Variants in PRKG2 observed in about 807,000 individuals in gnomAD.
PRKG2 encodes the protein protein kinase cGMP-dependent 2, also known as cGMP-dependent protein kinase 2.
PRKG2 carries 33 observed loss-of-function variants against 97.2 expected under a neutral mutation model. The observed-to-expected ratio is 0.34, with a 90% CI of 0.26 to 0.45. PRKG2 has a LOEUF of 0.45. Among genes scored for constraint, PRKG2 ranks in the 20% least tolerant of loss-of-function variants. The probability of loss-of-function intolerance (pLI) is 1.00; values close to 1 mark genes in which losing one functional copy is unlikely to be tolerated. For synonymous variants in PRKG2, 330 were observed against 321.8 expected (o/e 1.03, Z -0.27); for missense variants, 638 against 900.0 (o/e 0.71, Z 3.73).
intron 10 of PRKG2, among the ~76,000 whole-genome samples, chr4:81,143,747 A>C (rs1355199407): frequency 6.6e-6 from 1 of 152,196 alleles, no homozygotes; most frequent in Non-Finnish European, 1.5e-5. Context: ...AACAACTTTC[A>C]AATAATTTTC....
intron 14 of PRKG2, among the ~76,000 whole-genome samples, chr4:81,110,853 C>G (rs948957718): frequency 1.3e-5 from 2 of 150,544 alleles, no homozygotes; most frequent in Non-Finnish European, 2.9e-5. Flanking sequence ...AGTTGCACTG[C>G]GGAAAGTTCC....
intron 6 of PRKG2, among the ~76,000 whole-genome samples, chr4:81,164,059 C>A (rs1749788905): frequency 6.6e-6 from 1 of 152,066 alleles, no homozygotes; most frequent in African/African-American, 2.4e-5. Flanking sequence ...TCAGGTGGGC[C>A]CAGTCAGCCA....
At position 81,142,868 on chromosome 4, in the gene PRKG2, A is replaced by G; in HGVS notation, c.1333T>C (p.Ser445Pro). Residue 445 changes from serine to proline, a missense_variant, in exon 11 of 19, where the codon TCC becomes CCC. This residue lies in a region of PRKG2 where 304 missense variants were observed against 460.5 expected (regional missense o/e 0.66). Transcript: ENST00000264399. ...AGGTTCTGGAATGGGGATGATGAGGAAAATCTGGCCACCTTCTCCTTCAGC... is the reference window on the plus strand; with the variant it reads ...AGGTTCTGGAATGGGGATGATGAGGGAAATCTGGCCACCTTCTCCTTCAGC... ...IQLKEKVARFSSSSPFQNLEI... is the reference protein window; with the variant it reads ...IQLKEKVARFPSSSPFQNLEI... The G allele has an allele frequency of 6.2e-7, 1 of 1,613,448 alleles. No individual in the cohort carries two copies. The highest frequency in any genetic ancestry group is 8.5e-7 in the Non-Finnish European group (1 of 1,179,534).
At chr4:81,214,486 A>G (rs1421703063) in intron 1 of PRKG2, among the ~76,000 whole-genome samples, 3 of 151,682 alleles carry the variant, frequency 2.0e-5, no homozygotes, top group Non-Finnish European at 4.4e-5. Flanking sequence ...CACCCACACA[A>G]GTTTACCAGG....
chr4:81,089,164 T>A lies in PRKG2; in HGVS notation c.*544A>T, dbSNP rs1741313497. 6.6e-6 allele frequency: 1 copy of A among 152,252 alleles called. No individual in the cohort carries two copies. 9.4% of individuals were successfully genotyped at this position (152,252 alleles called of 1,614,324 possible). On this transcript the variant is annotated 3_prime_UTR_variant, in exon 19 of 19. Transcript: ENST00000264399. ...CCCTGGACTCATGTCAGAGGCGTAT[T>A]AATATATTTTCAGGTTAAAAGCAGG...
intron 14 of PRKG2, among the ~76,000 whole-genome samples, chr4:81,113,681 T>A (rs1385593825): frequency 6.6e-6 from 1 of 152,178 alleles, no homozygotes; most frequent in Non-Finnish European, 1.5e-5. Context: ...ATTGGTTCTC[T>A]TGGTCACATA....
chr4:81,167,128 A>G (rs370511998), intron 6 of PRKG2, 33 bp downstream of exon 6: 3 of 1,401,032 alleles, frequency 2.1e-6, no homozygotes, highest in Non-Finnish European at 3.0e-6. Flanking sequence ...ATATCTTCTA[A>G]TGAAATTTAT....
At chr4:81,090,193 A>G (rs1741403254) in intron 18 of PRKG2, among the ~76,000 whole-genome samples, 1 of 152,122 alleles carries the variant, frequency 6.6e-6, no homozygotes, top group African/African-American at 2.4e-5. Context: ...CTCCATCTCT[A>G]TTAAAAATAC....
At position 81,087,635 on chromosome 4, in the gene PRKG2, C is replaced by T. The variant is rs1166345972; in HGVS notation, c.*2073G>A. On this transcript the variant is annotated 3_prime_UTR_variant, in exon 19 of 19. Transcript: ENST00000264399. ...ACCTCTAAGTAAATATTACTTTACT[C>T]TGCCTTTTTCTATGAATGAGAAAGC... The T allele has an allele frequency of 6.6e-6, 1 of 152,118 alleles. No individual in the cohort carries two copies. Among genetic ancestry groups the T allele is most frequent in the Non-Finnish European group, 1.5e-5 (1 of 67,980 alleles). 9.4% of individuals were successfully genotyped at this position (152,118 alleles called of 1,614,324 possible).
At chr4:81,173,683 T>C (rs773214772) in intron 3 of PRKG2, 6 of 152,112 alleles carry the variant, frequency 3.9e-5, no homozygotes, top group Non-Finnish European at 8.8e-5. Flanking sequence ...AATTGGCATG[T>C]TCAAATAATC....
At chr4:81,114,556 C>G (rs1744314935) in intron 14 of PRKG2, among the ~76,000 whole-genome samples, 1 of 152,096 alleles carries the variant, frequency 6.6e-6, no homozygotes, top group Non-Finnish European at 1.5e-5. Flanking sequence ...TAATAATGGT[C>G]TGGCTAATAA....
At chr4:81,152,906 C>T (rs1051513552) in intron 7 of PRKG2, among the ~76,000 whole-genome samples, 2 of 152,138 alleles carry the variant, frequency 1.3e-5, no homozygotes, top group East Asian at 3.9e-4. Context: ...CAACCACAAT[C>T]CAGTTTACAA....
chr4:81,098,294 C>T (rs1304223850), intron 17 of PRKG2, among the ~76,000 whole-genome samples: 1 of 149,656 alleles, frequency 6.7e-6, no homozygotes, highest in Non-Finnish European at 1.5e-5. Context: ...CAGCCTGCAG[C>T]CTATTGTGGG....
At chr4:81,140,362 T>C (rs1029110026) in intron 12 of PRKG2, among the ~76,000 whole-genome samples, 171 bp downstream of exon 12, 2 of 152,230 alleles carry the variant, frequency 1.3e-5, no homozygotes, top group African/African-American at 4.8e-5. Context: ...CCATTTTCCA[T>C]GCTGTAATTA....
chr4:81,208,905 G>A (rs1212867264), intron 1 of PRKG2, among the ~76,000 whole-genome samples: 1 of 152,108 alleles, frequency 6.6e-6, no homozygotes, highest in Admixed American at 6.5e-5. Flanking sequence ...AATAATTGAA[G>A]CTCTGTAATT....
At chr4:81,144,537 AG>A (rs1747618826) in intron 9 of PRKG2, among the ~76,000 whole-genome samples, 2 of 151,494 alleles carry the variant, frequency 1.3e-5, no homozygotes, top group African/African-American at 4.8e-5. Context: ...ATAAAAGCAA[AG>A]GGGCTATTAA....
chr4:81,181,228 T>C (rs1031649435), intron 2 of PRKG2, among the ~76,000 whole-genome samples: 1 of 152,014 alleles, frequency 6.6e-6, no homozygotes, highest in Non-Finnish European at 1.5e-5. Context: ...AGCTAGAAAT[T>C]AATAACAGAA....
chr4:81,178,198 A>C (rs1433015501), intron 2 of PRKG2, among the ~76,000 whole-genome samples: 1 of 151,686 alleles, frequency 6.6e-6, no homozygotes, highest in Non-Finnish European at 1.5e-5. Context: ...CTACCAAACC[A>C]ACAAAACCCT....
rs1403348585 is a variant in PRKG2 at position 81,089,783 on chromosome 4, G to A, written c.2214C>T (p.His738=). The A allele has an allele frequency of 6.2e-7, 1 of 1,610,258 alleles. No individual in the cohort carries two copies. The highest frequency in any genetic ancestry group is 1.7e-5 in the Admixed American group (1 of 60,012). Residue 738 remains histidine, a synonymous_variant, in exon 19 of 19, where the codon CAC becomes CAT. Transcript: ENST00000264399. ...CAGGAGGATATTTGTCAAAGTAGCT[G>A]TGATCTATGGGTCCCTTGAGCTAAT... ...LQRELKGPID[H]SYFDKYPPEK...
Sources: gnomAD v4.1 joint callset for allele counts (sites outside exome capture counted in the v4.1 genomes callset) on GRCh38, gnomAD v4.1.1 for gene constraint, gnomAD v4.1.1 regional missense constraint, MANE v1.5 for transcripts, NCBI Gene and HGNC (gene_info 2026-07-23, HGNC 2026-07-21) for gene names.